The following ISM1 variants were observed in gnomAD, a reference collection of about 807,000 sequenced individuals.
ISM1 encodes the protein isthmin 1.
Under a neutral mutation model 46.3 loss-of-function variants are expected in ISM1, and 25 were observed. The observed-to-expected ratio is 0.54, with a 90% CI of 0.39 to 0.75. The LOEUF is 0.75. Ranked by LOEUF, ISM1 falls within the 30% of genes least tolerant of loss-of-function variation. The probability of loss-of-function intolerance (pLI) is 0.00; values close to 1 mark genes in which losing one functional copy is unlikely to be tolerated. For synonymous variants in ISM1, 255 were observed against 256.7 expected (o/e 0.99, Z 0.06); for missense variants, 536 against 625.4 (o/e 0.86, Z 1.52).
At chr20:13,278,694 G>A (rs573945773) in intron 2 of ISM1, among the ~76,000 whole-genome samples, 3 of 152,330 alleles carry the variant, frequency 2.0e-5, no homozygotes, top group African/African-American at 7.2e-5. Context: ...TTGAGACAAT[G>A]ACCACGGGAT....
chr20:13,259,736 C>T (rs985977454), intron 1 of ISM1, among the ~76,000 whole-genome samples: 2 of 152,154 alleles, frequency 1.3e-5, no homozygotes, highest in Non-Finnish European at 2.9e-5. Context: ...TATAAGTTAA[C>T]ATGTAACTTT....
the ISM1 span, among the ~76,000 whole-genome samples, chr20:13,319,290 G>A: frequency 6.6e-6 from 1 of 152,080 alleles, no homozygotes; most frequent in Non-Finnish European, 1.5e-5. Flanking sequence ...GCAACTGCTG[G>A]CTCCTGCTGC....
intron 1 of ISM1, among the ~76,000 whole-genome samples, chr20:13,224,853 T>A (rs2039496981): frequency 6.9e-6 from 1 of 144,144 alleles, no homozygotes. Context: ...TTTTTTTTTT[T>A]TTTTTTTTTT....
intron 3 of ISM1, 124 bp downstream of exon 3, chr20:13,280,022 T>C: frequency 1.1e-6 from 1 of 891,876 alleles, no homozygotes; most frequent in Non-Finnish European, 1.7e-6. Flanking sequence ...GAGGCAAACC[T>C]CACAAAGGCT....
the ISM1 span, among the ~76,000 whole-genome samples, chr20:13,313,034 C>T: frequency 6.6e-6 from 1 of 152,166 alleles, no homozygotes; most frequent in African/African-American, 2.4e-5. Flanking sequence ...AGCAGGTCCC[C>T]CTCGAGCTAA....
the ISM1 span, among the ~76,000 whole-genome samples, chr20:13,318,105 G>A: frequency 4.7e-5 from 7 of 147,924 alleles, no homozygotes; most frequent in Admixed American, 2.7e-4. Flanking sequence ...CAAACAACCC[G>A]ATTCTTTAAA....
chr20:13,274,678 C>A (rs1342263088), intron 2 of ISM1, among the ~76,000 whole-genome samples: 2 of 151,372 alleles, frequency 1.3e-5, no homozygotes, highest in African/African-American at 4.8e-5. Context: ...CCGCCCCCCC[C>A]GCGCCCGGCC....
intron 5 of ISM1, among the ~76,000 whole-genome samples, chr20:13,292,716 G>A (rs2040366430): frequency 6.6e-6 from 1 of 152,106 alleles, no homozygotes; most frequent in East Asian, 1.9e-4. Context: ...AGGCAGATGG[G>A]GACCTGTCTC....
At chr20:13,286,780 C>G (rs1463019395) in intron 3 of ISM1, among the ~76,000 whole-genome samples, 5 of 152,186 alleles carry the variant, frequency 3.3e-5, no homozygotes, top group Admixed American at 3.3e-4. Context: ...GGCACGGGCC[C>G]ACATTTCAGG....
At chr20:13,282,769 G>A (rs1233812657) in intron 3 of ISM1, among the ~76,000 whole-genome samples, 1 of 152,204 alleles carries the variant, frequency 6.6e-6, no homozygotes, top group Admixed American at 6.5e-5. Flanking sequence ...ATGTGCACAT[G>A]AATAGCCCCG....
At position 13,293,621 on chromosome 20, in the gene ISM1, G is replaced by C. The variant is rs139990943; in HGVS notation, c.877+1158G>C. On this transcript the variant is annotated intron_variant, in intron 5 of 5. Coordinates refer to ENST00000262487, the MANE Select transcript of ISM1 (RefSeq NM_080826.2). ...TAAGCATCTCAGTAGAACAAGTCTC[G>C]AATAAAAGGAAAGACAAATAAGAAA... Among the ~76,000 whole-genome samples the C allele has an allele frequency of 4.6e-5, 7 of 152,008 alleles. No individual in the cohort carries two copies. In the East Asian group the frequency reaches 5.8e-4, roughly 13 times the overall value.
At chr20:13,259,505 T>C (rs1320643319) in intron 1 of ISM1, among the ~76,000 whole-genome samples, 3 of 152,284 alleles carry the variant, frequency 2.0e-5, no homozygotes, top group African/African-American at 7.2e-5. Flanking sequence ...AAAGCACATG[T>C]CAACTACTTA....
At chr20:13,267,461 T>C (rs1001507563) in intron 1 of ISM1, among the ~76,000 whole-genome samples, 1 of 152,190 alleles carries the variant, frequency 6.6e-6, no homozygotes, top group Non-Finnish European at 1.5e-5. Context: ...ACACTTCCCT[T>C]TCCATGTGTA....
chr20:13,306,564 C>CCA, the ISM1 span, among the ~76,000 whole-genome samples: 24 of 63,914 alleles, frequency 3.8e-4, no homozygotes, highest in Non-Finnish European at 1.8e-4. Context: ...GGAGAAAGGA[C>CCA]AAAAAAAAAA....
chr20:13,283,036 T>C (rs376400513), intron 3 of ISM1, among the ~76,000 whole-genome samples: 1 of 152,168 alleles, frequency 6.6e-6, no homozygotes, highest in Admixed American at 6.5e-5. Context: ...CTTTCTGTTT[T>C]TTTATTTATT....
intron 5 of ISM1, among the ~76,000 whole-genome samples, chr20:13,296,975 G>A (rs2123332844): frequency 1.3e-5 from 2 of 151,564 alleles, no homozygotes; most frequent in Middle Eastern, 3.4e-3. Flanking sequence ...CTGAGATCAT[G>A]CCACTGCATT....
chr20:13,313,927 A>C, the ISM1 span, among the ~76,000 whole-genome samples: 29 of 152,208 alleles, frequency 1.9e-4, no homozygotes, highest in Non-Finnish European at 2.9e-5. Flanking sequence ...CAGAGAGATA[A>C]AAAATTCTAA....
At chr20:13,246,872 T>C (rs2039800372) in intron 1 of ISM1, among the ~76,000 whole-genome samples, 1 of 152,186 alleles carries the variant, frequency 6.6e-6, no homozygotes, top group South Asian at 2.1e-4. Flanking sequence ...TTGTAATTAA[T>C]ATCCTTCTCT....
chr20:13,283,189 C>A (rs1423502675), intron 3 of ISM1, among the ~76,000 whole-genome samples: 1 of 152,132 alleles, frequency 6.6e-6, no homozygotes, highest in Non-Finnish European at 1.5e-5. Flanking sequence ...TTTAATCCCA[C>A]AGACCCACTT....
Sources: gnomAD v4.1 joint callset for allele counts (sites outside exome capture counted in the v4.1 genomes callset) on GRCh38, gnomAD v4.1.1 for gene constraint, MANE v1.5 for transcripts, NCBI Gene and HGNC (gene_info 2026-07-23, HGNC 2026-07-21) for gene names.